Variants in RAB11FIP4 observed in about 807,000 individuals in gnomAD.
RAB11FIP4 encodes RAB11 family interacting protein 4.
A neutral mutation model predicts 74.3 loss-of-function variants in RAB11FIP4; 23 were observed. The observed-to-expected ratio is 0.31, with a 90% CI of 0.22 to 0.44. The LOEUF (loss-of-function observed/expected upper bound fraction) is 0.44. RAB11FIP4 is among the 20% of genes least tolerant of loss of function. The pLI is 1.00. For missense variants in RAB11FIP4, 630 were observed against 863.9 expected, an observed-to-expected ratio of 0.73 and a Z score of 3.39; for synonymous variants, 360 against 359.9, an observed-to-expected ratio of 1.00 and a Z score of 0.00.
chr17:31,524,915 A>AC (rs2072736388), intron 9 of RAB11FIP4, 175 bp from the exon 10 acceptor site: 1 of 745,264 alleles, frequency 1.3e-6, no homozygotes, highest in Admixed American at 2.6e-5. Context: ...TGTGACCGAC[A>AC]CCCCCTCTAT....
intron 1 of RAB11FIP4, among the ~76,000 whole-genome samples, chr17:31,398,925 G>A (rs1409212628): frequency 6.6e-6 from 1 of 152,202 alleles, no homozygotes; most frequent in Admixed American, 6.5e-5. Context: ...TCCACTGCCT[G>A]AGAAGTTCGG....
intron 3 of RAB11FIP4, among the ~76,000 whole-genome samples, chr17:31,500,271 C>CA (rs1250855180): frequency 6.6e-6 from 1 of 151,978 alleles, no homozygotes; most frequent in Non-Finnish European, 1.5e-5. Flanking sequence ...TGTGGAGTGG[C>CA]GGGGGTGGGG....
intron 1 of RAB11FIP4, among the ~76,000 whole-genome samples, chr17:31,394,691 C>G (rs146597790): frequency 1.8e-4 from 27 of 152,284 alleles, no homozygotes; most frequent in African/African-American, 5.8e-4. Flanking sequence ...CTATCACTCT[C>G]AGCTGTGCTG....
At chr17:31,438,770 T>G (rs530284405) in intron 3 of RAB11FIP4, among the ~76,000 whole-genome samples, 1 of 152,318 alleles carries the variant, frequency 6.6e-6, no homozygotes, top group East Asian at 1.9e-4. Context: ...TCTCCTAGGA[T>G]GTCCTCCCTC....
intron 3 of RAB11FIP4, among the ~76,000 whole-genome samples, chr17:31,444,618 G>A (rs189520535): frequency 2.0e-5 from 3 of 152,046 alleles, no homozygotes; most frequent in African/African-American, 7.2e-5. Context: ...TACTTCCCAC[G>A]GGCCACCTCC....
At chr17:31,461,459 T>A (rs2071633284) in intron 3 of RAB11FIP4, among the ~76,000 whole-genome samples, 1 of 152,198 alleles carries the variant, frequency 6.6e-6, no homozygotes, top group African/African-American at 2.4e-5. Context: ...TTCTCAGAGC[T>A]TTAATATCCC....
chr17:31,446,216 G>A (rs1019066393), intron 3 of RAB11FIP4, among the ~76,000 whole-genome samples: 1 of 152,048 alleles, frequency 6.6e-6, no homozygotes, highest in African/African-American at 2.4e-5. Flanking sequence ...GAGTTCTACT[G>A]TGTTTATTTT....
At chr17:31,425,674 A>ACTTCCAGTGAACAACCAATTTCC (rs2071241780) in intron 1 of RAB11FIP4, among the ~76,000 whole-genome samples, 1 of 152,254 alleles carries the variant, frequency 6.6e-6, no homozygotes, top group South Asian at 2.1e-4. Context: ...TCAATATTTT[A>ACTTCCAGTGAACAACCAATTTCC]CTTCCAGTGA....
chr17:31,496,051 C>T (rs1243260412), intron 3 of RAB11FIP4, among the ~76,000 whole-genome samples: 4 of 152,124 alleles, frequency 2.6e-5, no homozygotes, highest in South Asian at 2.1e-4. Context: ...CTTGAAATAA[C>T]GGTGCATTGT....
At chr17:31,524,490 A>C in intron 9 of RAB11FIP4, 1 of 171,508 alleles carries the variant, frequency 5.8e-6, no homozygotes, top group Admixed American at 5.5e-5. Flanking sequence ...TGGGGGACAT[A>C]CCCTGGCCAG....
intron 1 of RAB11FIP4, among the ~76,000 whole-genome samples, chr17:31,415,818 G>A (rs996596650): frequency 5.3e-5 from 8 of 152,106 alleles, no homozygotes; most frequent in Non-Finnish European, 1.0e-4. Flanking sequence ...CCCTGCGGAC[G>A]GTCTCCGCAG....
intron 10 of RAB11FIP4, 105 bp from the exon 11 acceptor site, chr17:31,527,737 G>A (rs1408143058): frequency 2.6e-6 from 2 of 777,496 alleles, no homozygotes; most frequent in African/African-American, 1.8e-5. Flanking sequence ...TTGGTTTCTG[G>A]TATCTTTCCT....
chr17:31,404,592 C>T (rs2071025831), intron 1 of RAB11FIP4, among the ~76,000 whole-genome samples: 1 of 152,174 alleles, frequency 6.6e-6, no homozygotes, highest in African/African-American at 2.4e-5. Context: ...TTAAAATGAC[C>T]GTTACCACCA....
intron 1 of RAB11FIP4, among the ~76,000 whole-genome samples, chr17:31,407,733 C>T (rs2071056055): frequency 1.3e-5 from 2 of 152,138 alleles, no homozygotes; most frequent in South Asian, 2.1e-4. Flanking sequence ...TGAGGGGCCA[C>T]ATGATGTTCA....
chr17:31,528,760 G>A lies in RAB11FIP4; in HGVS notation c.1635G>A (p.Glu545=). The A allele has an allele frequency of 1.9e-6, 3 of 1,609,936 alleles. No individual in the cohort carries two copies. Among genetic ancestry groups the A allele is most frequent in the South Asian group, 2.2e-5 (2 of 90,824 alleles). Residue 545 remains glutamate, a synonymous_variant, in exon 13 of 15, where the codon GAG becomes GAA. Coordinates refer to ENST00000621161, the MANE Select transcript of RAB11FIP4 (RefSeq NM_032932.6). ...CCCGCGAGGTGGAGCTCGAGCACGA[G>A]GTCAAGCGGCTCAAGCAGGTGGGTC... ...ARAREVELEH[E]VKRLKQENYK... is the part of the protein sequence containing the mutation.
At position 31,531,745 on chromosome 17, in the gene RAB11FIP4, G is replaced by A. The variant is rs375414516; in HGVS notation, c.*13G>A. 3.4e-5 allele frequency: 54 copies of A among 1,576,626 alleles called. No homozygotes were observed. The highest frequency in any genetic ancestry group is 4.3e-5 in the Non-Finnish European group (49 of 1,145,992). ...GATCAAACACTAAGGCACGGGGCTG[G>A]CTGCAGAGCAGCCTTAGGACCCTGG... On this transcript the variant is annotated 3_prime_UTR_variant, in exon 15 of 15. Transcript: ENST00000621161.
intron 3 of RAB11FIP4, among the ~76,000 whole-genome samples, chr17:31,486,279 C>G (rs186477436): frequency 6.6e-6 from 1 of 152,182 alleles, no homozygotes; most frequent in East Asian, 1.9e-4. Flanking sequence ...GTCTTGCTGT[C>G]AACCAGGCTG....
intron 3 of RAB11FIP4, among the ~76,000 whole-genome samples, chr17:31,507,815 G>A (rs941511901): frequency 6.6e-6 from 1 of 151,874 alleles, no homozygotes; most frequent in Non-Finnish European, 1.5e-5. Context: ...AATATGTTTT[G>A]TTTTATTTTA....
chr17:31,450,462 A>C (rs1034716721), intron 3 of RAB11FIP4, among the ~76,000 whole-genome samples: 1 of 151,900 alleles, frequency 6.6e-6, no homozygotes, highest in African/African-American at 2.4e-5. Flanking sequence ...CTCCTGCCTC[A>C]GCCTCCCAAG....
Sources: allele counts gnomAD v4.1 joint callset (sites outside exome capture counted in the v4.1 genomes callset), GRCh38; gene constraint gnomAD v4.1.1; transcripts MANE v1.5; gene names NCBI Gene and HGNC (gene_info 2026-07-23, HGNC 2026-07-21).